The following NOTCH1 variants were observed in gnomAD, a reference collection of about 807,000 sequenced individuals.
NOTCH1 encodes the protein notch receptor 1.
In NOTCH1, 37 loss-of-function variants were observed where a neutral mutation model predicts 254.8. That is an observed-to-expected ratio of 0.15 (90% CI 0.11 to 0.19). The LOEUF is 0.19. Among genes scored for constraint, NOTCH1 ranks in the 10% least tolerant of loss-of-function variants. The pLI, the probability that NOTCH1 is intolerant of heterozygous loss-of-function variation, is 1.00. For synonymous variants in NOTCH1, 1,731 were observed against 1,618.1 expected (o/e 1.07, Z -1.68); for missense variants, 2,972 against 3,708.6 (o/e 0.80, Z 5.16).
chr9:136,524,462 A>C (rs1304417368), intron 2 of NOTCH1, among the ~76,000 whole-genome samples: 3 of 152,166 alleles, frequency 2.0e-5, no homozygotes, highest in African/African-American at 7.2e-5. Context: ...TTAGCTCCGT[A>C]GAGCCTCCGG....
At chr9:136,518,918 G>T in intron 5 of NOTCH1, 94 bp from the exon 6 acceptor site, 1 of 1,109,676 alleles carries the variant, frequency 9.0e-7, no homozygotes, top group African/African-American at 1.5e-5. Flanking sequence ...CCCCCTCCAG[G>T]AAGCCTTCCT....
Position 136,518,407 on chromosome 9 carries a change from G to A in NOTCH1, c.1100-115C>T, listed in dbSNP as rs77655659. The A allele has an allele frequency of 2.5e-3, 3,469 of 1,406,542 alleles. 91 individuals are homozygous for A. In the African/African-American group the frequency reaches 0.042, roughly 17 times the overall value. 87.1% of individuals were successfully genotyped at this position (1,406,542 alleles called of 1,614,324 possible). On this transcript the variant is annotated intron_variant, in intron 6 of 33. Transcript: ENST00000651671. Reference sequence around the variant, plus strand: ...AGGAGGAGCTGCCCGCCGTGACCCCGTCGGGCATCCCGTGACACTTGGGAC... The same window carrying A: ...AGGAGGAGCTGCCCGCCGTGACCCCATCGGGCATCCCGTGACACTTGGGAC...
At position 136,501,835 on chromosome 9, in the gene NOTCH1, C is replaced by T. The variant is rs1340087522; in HGVS notation, c.5551G>A (p.Ala1851Thr). The change falls in exon 30 of 34, where the codon GCT becomes ACT. Residue 1851 changes from alanine to threonine, a missense_variant. Coordinates refer to ENST00000651671, the MANE Select transcript of NOTCH1 (RefSeq NM_017617.5). ...GCCATGGCAGACATGCGCAGGTCAG[C>T]GGCATCCAGGTGCTGCTGAGTCCAC... ...RQWTQQHLDA[A>T]DLRMSAMAPT... The T allele has an allele frequency of 1.2e-6, 2 of 1,612,588 alleles. No homozygotes were observed. The highest frequency in any genetic ancestry group is 1.7e-6 in the Non-Finnish European group (2 of 1,179,932).
At chr9:136,511,121 C>G (rs750223723) in intron 16 of NOTCH1, 31 bp downstream of exon 16, 2 of 1,612,890 alleles carry the variant, frequency 1.2e-6, no homozygotes, top group South Asian at 2.2e-5. Flanking sequence ...ACCTCCCATC[C>G]CAGCCCTCAC....
chr9:136,494,519 T>G lies in NOTCH1; in HGVS notation c.*1552A>C, dbSNP rs927262517. 1 of 398,928 alleles carries G rather than the reference T, an allele frequency of 2.5e-6. No homozygotes were observed. The highest frequency in any genetic ancestry group is 4.4e-6 in the Non-Finnish European group (1 of 226,072). The allele number at this position is 398,928 out of a possible 1,614,324, so 24.7% of individuals were successfully genotyped here. A position where few individuals can be genotyped will look rare whatever the true frequency, so the allele number is the denominator to read the frequency against. On this transcript the variant is annotated 3_prime_UTR_variant, in exon 34 of 34. Coordinates refer to ENST00000651671, the MANE Select transcript of NOTCH1 (RefSeq NM_017617.5). The stretch of plus-strand genomic sequence containing the variant: ...AAAATACATCATCTACAGTTCCTCA[T>G]GTAGATCACTTTTAAAGTCTTTTTC...
chr9:136,514,402 A>T (rs1843229375), intron 13 of NOTCH1, 108 bp downstream of exon 13: 2 of 1,260,430 alleles, frequency 1.6e-6, no homozygotes. Context: ...GCCCCGTCCG[A>T]GGCCCGTTTC....
chr9:136,496,375 G>C lies in NOTCH1; in HGVS notation c.7364C>G (p.Thr2455Ser). 3 of 1,595,814 alleles carry C rather than the reference G, an allele frequency of 1.9e-6. No individual in the cohort carries two copies. The highest frequency in any genetic ancestry group is 2.5e-6 in the Non-Finnish European group (3 of 1,176,688). Reference sequence around the variant, plus strand: ...GGCGGGGCTCTCCTGGGGCAGAATAGTGTGCACCGCCAGGCTGCTGGGGCC... The same window carrying C: ...GGCGGGGCTCTCCTGGGGCAGAATACTGTGCACCGCCAGGCTGCTGGGGCC... ...PLGPSSLAVH[T>S]ILPQESPALP... Residue 2455 changes from threonine (T) to serine (S), a missense_variant, in exon 34 of 34, where the codon ACT (threonine) becomes AGT (serine). By Grantham distance (58) the Thr-to-Ser change is moderately conservative. Coordinates refer to ENST00000651671, the MANE Select transcript of NOTCH1 (RefSeq NM_017617.5).
chr9:136,510,595 C>CG (rs1219686035), intron 17 of NOTCH1, 58 bp downstream of exon 17: 3 of 1,566,678 alleles, frequency 1.9e-6, no homozygotes, highest in South Asian at 1.1e-5. Flanking sequence ...CAACCCTGCC[C>CG]GGGGGAACTG....
chr9:136,529,473 C>T (rs973792049), intron 2 of NOTCH1, among the ~76,000 whole-genome samples: 1 of 152,218 alleles, frequency 6.6e-6, no homozygotes, highest in Non-Finnish European at 1.5e-5. Flanking sequence ...GGGCAGGGGG[C>T]TCGGGGTCCC....
Position 136,505,055 on chromosome 9 carries a change from C to T in NOTCH1, c.4636G>A (p.Asp1546Asn), listed in dbSNP as rs933070856. The T allele has an allele frequency of 7.4e-6, 12 of 1,610,924 alleles. No homozygotes were observed. Among genetic ancestry groups the T allele is most frequent in the Non-Finnish European group, 1.0e-5 (12 of 1,179,662 alleles). ...CACTCCGCGCTGTTGCAGCCCTGGTCGCAGTGCCCGTCGCTGAAGTGGTCC... is the reference window on the plus strand; with the variant it reads ...CACTCCGCGCTGTTGCAGCCCTGGTTGCAGTGCCCGTCGCTGAAGTGGTCC... ...CKDHFSDGHC[D>N]QGCNSAECEW... The change falls in exon 26 of 34, where the codon GAC becomes AAC. Residue 1546 changes from aspartate (D) to asparagine (N), a missense_variant. Coordinates refer to ENST00000651671, the MANE Select transcript of NOTCH1 (RefSeq NM_017617.5).
At chr9:136,499,902 A>T (rs1366785672) in intron 31 of NOTCH1, among the ~76,000 whole-genome samples, 1 of 152,172 alleles carries the variant, frequency 6.6e-6, no homozygotes, top group Non-Finnish European at 1.5e-5. Flanking sequence ...CGAGATGACA[A>T]TGTGTCACCT....
Position 136,507,285 on chromosome 9 carries a change from C to G in NOTCH1, c.3643+20G>C. The G allele has an allele frequency of 1.2e-6, 2 of 1,612,822 alleles. No homozygotes were observed. Among genetic ancestry groups the G allele is most frequent in the Non-Finnish European group, 1.7e-6 (2 of 1,179,872 alleles). ...TGGCCATGGATGGCCAACACCAGCC[C>G]TCCGTGCAGCGGCCCTTACCCTGAG... On this transcript the variant is annotated intron_variant, in intron 22 of 33. Coordinates refer to ENST00000651671, the MANE Select transcript of NOTCH1 (RefSeq NM_017617.5).
At chr9:136,528,159 C>A (rs1843498404) in intron 2 of NOTCH1, among the ~76,000 whole-genome samples, 1 of 150,758 alleles carries the variant, frequency 6.6e-6, no homozygotes, top group Non-Finnish European at 1.5e-5. Context: ...AGGACTCACT[C>A]ACTTCCTGCC....
At chr9:136,517,137 G>T in intron 9 of NOTCH1, 135 bp downstream of exon 9, 2 of 599,884 alleles carry the variant, frequency 3.3e-6, no homozygotes, top group Admixed American at 2.7e-5. Context: ...AGGGCAGGGG[G>T]TGGGGGCGGC....
chr9:136,530,517 G>A (rs1843543079), intron 2 of NOTCH1, among the ~76,000 whole-genome samples: 1 of 152,210 alleles, frequency 6.6e-6, no homozygotes, highest in African/African-American at 2.4e-5. Flanking sequence ...CATGTGGCCA[G>A]CCCCTCCCCA....
At position 136,507,975 on chromosome 9, in the gene NOTCH1, G is replaced by A. The variant is rs748055658; in HGVS notation, c.3490C>T (p.Leu1164=). ...CCCACCTTGCAGGAGTAGCCGCCCA[G>A]GTAGTCCGTGCAGGTGGCCCCGTTC... ...CQNGATCTDY[L]GGYSCKCVAG... Residue 1164 remains leucine (L), a synonymous_variant, in exon 21 of 34, where the codon CTG becomes TTG. Transcript: ENST00000651671. 1 of 1,612,770 alleles carries A rather than the reference G, an allele frequency of 6.2e-7. No individual in the cohort carries two copies. The highest frequency in any genetic ancestry group is 1.7e-5 in the Admixed American group (1 of 60,034).
chr9:136,507,988 G>A lies in NOTCH1; in HGVS notation c.3477C>T (p.Thr1159=). The A allele has an allele frequency of 1.2e-6, 2 of 1,612,734 alleles. No individual in the cohort carries two copies. The highest frequency in any genetic ancestry group is 1.7e-6 in the Non-Finnish European group (2 of 1,180,022). The change falls in exon 21 of 34, where the codon ACC becomes ACT. Residue 1159 remains threonine, a synonymous_variant. Coordinates refer to ENST00000651671, the MANE Select transcript of NOTCH1 (RefSeq NM_017617.5). ...CSPSPCQNGA[T]CTDYLGGYSC... ...AGTAGCCGCCCAGGTAGTCCGTGCA[G>A]GTGGCCCCGTTCTGGCAGGGGCTGG...
At position 136,544,028 on chromosome 9, in the gene NOTCH1, A is replaced by C; in HGVS notation, c.136T>G (p.Cys46Gly). ...TCCCGCAGGGGTGGTACTCACACGC[A>C]GGCCTCCGTGCCATTGGCCGCTTCA... ...KCEAANGTEA[C>G]VCGGAFVGPR... The change falls in exon 2 of 34, where the codon TGC becomes GGC. Residue 46 changes from cysteine (C) to glycine (G), a missense_variant. By Grantham distance (159) the Cys-to-Gly change is radical. Transcript: ENST00000651671. 1 of 1,571,722 alleles carries C rather than the reference A, an allele frequency of 6.4e-7. No individual in the cohort carries two copies. The highest frequency in any genetic ancestry group is 8.6e-7 in the Non-Finnish European group (1 of 1,159,358).
Position 136,497,127 on chromosome 9 carries a change from C to G in NOTCH1, c.6612G>C (p.Glu2204Asp), listed in dbSNP as rs1344385768. The G allele has an allele frequency of 6.2e-7, 1 of 1,612,548 alleles. No homozygotes were observed. Among genetic ancestry groups the G allele is most frequent in the Admixed American group, 1.7e-5 (1 of 60,026 alleles). Residue 2204 changes from glutamate to aspartate, a missense_variant, in exon 34 of 34, where the codon GAG becomes GAC. Coordinates refer to ENST00000651671, the MANE Select transcript of NOTCH1 (RefSeq NM_017617.5). Reference protein sequence around the residue: ...SGMLSPVDSLESPHGYLSDVA... With the variant: ...SGMLSPVDSLDSPHGYLSDVA... Reference sequence around the variant, plus strand: ...CGTCTGACAGGTAGCCATGGGGTGACTCCAGGGAGTCCACGGGCGAGAGCA... The same window carrying G: ...CGTCTGACAGGTAGCCATGGGGTGAGTCCAGGGAGTCCACGGGCGAGAGCA...
Sources: allele counts gnomAD v4.1 joint callset (sites outside exome capture counted in the v4.1 genomes callset), GRCh38; gene constraint gnomAD v4.1.1; transcripts MANE v1.5; gene names NCBI Gene and HGNC (gene_info 2026-07-23, HGNC 2026-07-21).